Variants in STXBP5 observed in about 807,000 individuals in gnomAD.
STXBP5 encodes syntaxin-binding protein 5.
In STXBP5, 50 loss-of-function variants were observed where a neutral mutation model predicts 152.4. The observed-to-expected ratio is 0.33, with a 90% CI of 0.26 to 0.42. The LOEUF (loss-of-function observed/expected upper bound fraction) is 0.42. Ranked by LOEUF, STXBP5 falls within the 10% of genes least tolerant of loss-of-function variation. The pLI is 1.00. For missense variants in STXBP5, 1,167 were observed against 1,388.6 expected, an observed-to-expected ratio of 0.84 and a Z score of 2.54; for synonymous variants, 492 against 494.7, an observed-to-expected ratio of 0.99 and a Z score of 0.07.
chr6:147,347,105 C>G lies in STXBP5; in HGVS notation c.2255-6218C>G, dbSNP rs144978340. Among the ~76,000 whole-genome samples, 182 of 152,268 alleles carry G rather than the reference C, an allele frequency of 1.2e-3. 2 individuals are homozygous for G. The highest frequency in any genetic ancestry group is 4.1e-3 in the African/African-American group (171 of 41,560). ...GAAGTTCTAGAAGTCTCTGGACATT[C>G]AAACTAGGTCCTGAGAACTGTATAT... is the stretch of plus-strand genomic sequence containing the variant. On this transcript the variant is annotated intron_variant, in intron 21 of 27. Transcript: ENST00000321680.
Position 147,382,774 on chromosome 6 carries a change from T to A in STXBP5, c.3194-4T>A. The A allele has an allele frequency of 6.2e-7, 1 of 1,613,028 alleles. No homozygotes were observed. Among genetic ancestry groups the A allele is most frequent in the Non-Finnish European group, 8.5e-7 (1 of 1,179,256 alleles). ...TTACTCTTTGATTTATCAAATGTGT[T>A]CAGTTGGAGAATCGTCCTCAGGAAA... On this transcript the variant is annotated splice_polypyrimidine_tract_variant and splice_region_variant and intron_variant, in intron 26 of 27. Transcript: ENST00000321680.
intron 2 of STXBP5, among the ~76,000 whole-genome samples, chr6:147,224,387 A>G (rs187415262): frequency 2.6e-5 from 4 of 152,198 alleles, no homozygotes; most frequent in Non-Finnish European, 4.4e-5. Context: ...TGATTGCACC[A>G]CTGAACTCCA....
intron 25 of STXBP5, among the ~76,000 whole-genome samples, chr6:147,371,380 T>C (rs1785532395): frequency 6.6e-6 from 1 of 152,136 alleles, no homozygotes; most frequent in African/African-American, 2.4e-5. Context: ...CTGTTCATAA[T>C]GTTAACCTGT....
At chr6:147,285,370 T>C (rs917710351) in intron 8 of STXBP5, among the ~76,000 whole-genome samples, 13 of 152,156 alleles carry the variant, frequency 8.5e-5, no homozygotes, top group Admixed American at 2.0e-4. Context: ...ATTTAGAAAA[T>C]GCTTAGCCTA....
At chr6:147,298,680 C>T (rs117009437) in intron 9 of STXBP5, among the ~76,000 whole-genome samples, 5,375 of 152,028 alleles carry the variant, frequency 0.035, 149 homozygotes, top group Admixed American at 0.054. Flanking sequence ...ACAAGAGAAA[C>T]TTTGGAAACT....
At chr6:147,256,480 A>G (rs765411273) in intron 4 of STXBP5, among the ~76,000 whole-genome samples, 4 of 152,200 alleles carry the variant, frequency 2.6e-5, no homozygotes, top group Non-Finnish European at 5.9e-5. Flanking sequence ...CACACTGTGT[A>G]TCTCTACCCT....
chr6:147,271,164 C>G (rs60225993), intron 7 of STXBP5, among the ~76,000 whole-genome samples: 2,718 of 152,030 alleles, frequency 0.018, 68 homozygotes, highest in African/African-American at 0.061. Context: ...TAAAAGACAG[C>G]AATTATCATA....
chr6:147,251,338 G>A (rs1013205730), intron 4 of STXBP5, among the ~76,000 whole-genome samples: 28 of 150,788 alleles, frequency 1.9e-4, no homozygotes, highest in African/African-American at 6.4e-4. Context: ...GGGCCCTCCT[G>A]GGTTTCCAGC....
At chr6:147,304,158 C>T (rs1259488582) in intron 9 of STXBP5, among the ~76,000 whole-genome samples, 1 of 152,190 alleles carries the variant, frequency 6.6e-6, no homozygotes, top group Non-Finnish European at 1.5e-5. Context: ...ACAGCAGTCC[C>T]TTCCATCACA....
At chr6:147,215,249 A>G (rs887793633) in intron 2 of STXBP5, among the ~76,000 whole-genome samples, 2 of 152,256 alleles carry the variant, frequency 1.3e-5, no homozygotes, top group African/African-American at 4.8e-5. Flanking sequence ...TTGTTTTTAA[A>G]GGATATACAG....
chr6:147,206,123 CTG>C, intron 2 of STXBP5, 55 bp downstream of exon 2: 1 of 1,468,728 alleles, frequency 6.8e-7, no homozygotes, highest in Non-Finnish European at 9.5e-7. Flanking sequence ...CCCAGTCCTT[CTG>C]TGTTGCTGAT....
chr6:147,237,546 C>A (rs1223959984), intron 3 of STXBP5, among the ~76,000 whole-genome samples: 1 of 152,162 alleles, frequency 6.6e-6, no homozygotes, highest in Non-Finnish European at 1.5e-5. Context: ...AATAGCAGTA[C>A]AAATCTTTGA....
chr6:147,325,632 T>C (rs906023487), intron 17 of STXBP5, among the ~76,000 whole-genome samples: 3 of 152,234 alleles, frequency 2.0e-5, no homozygotes, highest in Admixed American at 2.0e-4. Context: ...GATAGACTTA[T>C]AAAGCATTTG....
At chr6:147,237,000 A>G (rs1048246779) in intron 3 of STXBP5, among the ~76,000 whole-genome samples, 7 of 151,192 alleles carry the variant, frequency 4.6e-5, no homozygotes, top group Admixed American at 2.6e-4. Context: ...CTGGTCTCTA[A>G]CTCCTGACCT....
chr6:147,348,476 A>T (rs1349259657), intron 21 of STXBP5, among the ~76,000 whole-genome samples: 2 of 152,140 alleles, frequency 1.3e-5, no homozygotes, highest in Non-Finnish European at 2.9e-5. Context: ...TGCACTCAAT[A>T]CAGTAACAAA....
chr6:147,307,616 T>C (rs1347210310), intron 9 of STXBP5, among the ~76,000 whole-genome samples: 1 of 152,146 alleles, frequency 6.6e-6, no homozygotes, highest in African/African-American at 2.4e-5. Context: ...AAAAAACATA[T>C]AACCTGTGAA....
chr6:147,289,664 A>G (rs1186959567), intron 8 of STXBP5, among the ~76,000 whole-genome samples: 2 of 152,180 alleles, frequency 1.3e-5, no homozygotes, highest in Non-Finnish European at 2.9e-5. Context: ...AAAGAAGTAT[A>G]CATGACCAGT....
In STXBP5 at chr6:147,278,176, T is replaced by C. The variant is rs1780536169; in HGVS notation, c.810T>C (p.Ala270=). 1.2e-6 allele frequency: 2 copies of C among 1,612,494 alleles called. No individual in the cohort carries two copies. The highest frequency in any genetic ancestry group is 1.1e-5 in the South Asian group (1 of 90,922). Residue 270 remains alanine (A), a synonymous_variant, in exon 8 of 28, where the codon GCT becomes GCC. Transcript: ENST00000321680. ...CTATATGGAATGTAAGGTCCCCTGC[T>C]AAACCAGTACAGACAATCACTCCAC... ...TLTIWNVRSP[A]KPVQTITPHG...
rs568102312 is a variant in STXBP5 at position 147,297,897 on chromosome 6, A to G, written c.917+6725A>G. On this transcript the variant is annotated intron_variant, in intron 9 of 27. Coordinates refer to ENST00000321680, the MANE Select transcript of STXBP5 (RefSeq NM_001127715.4). ...AAAGAGAAAGGAATCAAAACTTAGTACCATAGAAAAACCATCAAACCACAA... is the reference window on the plus strand; with the variant it reads ...AAAGAGAAAGGAATCAAAACTTAGTGCCATAGAAAAACCATCAAACCACAA... Among the ~76,000 whole-genome samples the G allele has an allele frequency of 1.3e-3, 191 of 152,182 alleles. 3 individuals are homozygous for G. Among genetic ancestry groups the G allele is most frequent in the South Asian group, 6.2e-4 (3 of 4,818 alleles).
Sources: gnomAD v4.1 joint callset for allele counts (sites outside exome capture counted in the v4.1 genomes callset) on GRCh38, gnomAD v4.1.1 for gene constraint, MANE v1.5 for transcripts, NCBI Gene and HGNC (gene_info 2026-07-23, HGNC 2026-07-21) for gene names.